Variants in TLK1 observed in about 807,000 individuals in gnomAD.
The protein encoded by TLK1 is tousled like kinase 1, also known as serine/threonine-protein kinase tousled-like 1.
A neutral mutation model predicts 105.3 loss-of-function variants in TLK1; 24 were observed. That is an observed-to-expected ratio of 0.23 (90% CI 0.17 to 0.32). TLK1 has a LOEUF of 0.32. Among genes scored for constraint, TLK1 ranks in the 10% least tolerant of loss-of-function variants. TLK1 has a pLI of 1.00. For missense variants in TLK1, 558 were observed against 910.5 expected (o/e 0.61, Z 4.98); for synonymous variants, 321 against 310.4 (o/e 1.03, Z -0.36).
In TLK1 at chr2:171,103,422, C is replaced by A. The variant is rs552838179; in HGVS notation, c.258+14317G>T. Among the ~76,000 whole-genome samples the A allele has an allele frequency of 3.3e-5, 5 of 152,096 alleles. 1 individual carries two copies. Among genetic ancestry groups the A allele is most frequent in the African/African-American group, 1.2e-4 (5 of 41,458 alleles). On this transcript the variant is annotated intron_variant, in intron 2 of 20. Coordinates refer to ENST00000431350, the MANE Select transcript of TLK1 (RefSeq NM_012290.5). ...ATTCCTGAGTAGATGGGATTACAGG[C>A]ACGTCCCACCATGTCCGGCTAATTT...
chr2:171,211,273 G>A (rs1693607631), intron 1 of TLK1, among the ~76,000 whole-genome samples: 2 of 152,204 alleles, frequency 1.3e-5, no homozygotes, highest in Non-Finnish European at 1.5e-5. Flanking sequence ...ACTTTTACTG[G>A]CTCCCTTTCT....
At chr2:171,084,079 C>T (rs777112526) in intron 2 of TLK1, among the ~76,000 whole-genome samples, 26 of 152,080 alleles carry the variant, frequency 1.7e-4, no homozygotes, top group Non-Finnish European at 3.7e-4. Context: ...CATGAATCCC[C>T]CTCAAAACAT....
intron 1 of TLK1, among the ~76,000 whole-genome samples, chr2:171,209,287 T>G (rs1296593660): frequency 6.6e-6 from 1 of 152,322 alleles, no homozygotes; most frequent in South Asian, 2.1e-4. Flanking sequence ...ATGGAAGTAT[T>G]TATCTTTTTA....
rs138913024 is a variant in TLK1 at position 171,014,876 on chromosome 2, T to G, written c.1309A>C (p.Arg437=). 9 of 1,613,556 alleles carry G rather than the reference T, an allele frequency of 5.6e-6. No homozygotes were observed. Among genetic ancestry groups the G allele is most frequent in the Non-Finnish European group, 7.6e-6 (9 of 1,179,558 alleles). The change falls in exon 13 of 21, where the codon AGA becomes CGA. Residue 437 remains arginine (R), a synonymous_variant. Coordinates refer to ENST00000431350, the MANE Select transcript of TLK1 (RefSeq NM_012290.5). ...VRNLHIRELK[R]INNEDNSQFK... ...TGTGAATTATCTTCATTGTTTATTC[T>G]TTTCAGCTCACGTATGTGAAGATTT...
At chr2:171,142,229 C>G (rs905650463) in intron 1 of TLK1, among the ~76,000 whole-genome samples, 1 of 151,812 alleles carries the variant, frequency 6.6e-6, no homozygotes, top group Non-Finnish European at 1.5e-5. Context: ...CCAAAAGCAG[C>G]AGAAAAGGAG....
intron 3 of TLK1, among the ~76,000 whole-genome samples, chr2:171,062,201 A>G (rs1237212802): frequency 6.6e-6 from 1 of 152,236 alleles, no homozygotes; most frequent in Non-Finnish European, 1.5e-5. Context: ...AATTCTAGAA[A>G]CGTGGTAAGC....
At chr2:171,151,887 C>T (rs549980402) in intron 1 of TLK1, among the ~76,000 whole-genome samples, 31 of 152,044 alleles carry the variant, frequency 2.0e-4, no homozygotes, top group Non-Finnish European at 3.8e-4. Flanking sequence ...TAAAAGAAAT[C>T]GGCAAGGAAA....
intron 1 of TLK1, among the ~76,000 whole-genome samples, chr2:171,128,623 C>T (rs576586768): frequency 3.3e-5 from 5 of 152,208 alleles, no homozygotes; most frequent in East Asian, 3.9e-4. Flanking sequence ...CATATACTTC[C>T]GTGCCTAATT....
intron 1 of TLK1, among the ~76,000 whole-genome samples, chr2:171,148,934 CGTGT>C (rs544756617): frequency 1.5e-3 from 203 of 136,446 alleles, no homozygotes; most frequent in East Asian, 2.5e-3. Context: ...TGTGCGTGTG[CGTGT>C]GTGTGTATGT....
At chr2:171,198,515 G>A (rs2105318682) in intron 1 of TLK1, among the ~76,000 whole-genome samples, 1 of 152,286 alleles carries the variant, frequency 6.6e-6, no homozygotes, top group African/African-American at 2.4e-5. Flanking sequence ...ATGTGACAAA[G>A]TAGAGGATTG....
chr2:171,133,010 C>T (rs970428220), intron 1 of TLK1, among the ~76,000 whole-genome samples: 1 of 152,182 alleles, frequency 6.6e-6, no homozygotes, highest in Non-Finnish European at 1.5e-5. Flanking sequence ...GATTAAACTC[C>T]TCTTACAGAT....
intron 11 of TLK1, among the ~76,000 whole-genome samples, chr2:171,035,292 A>G (rs1170835044): frequency 2.0e-5 from 3 of 151,930 alleles, no homozygotes; most frequent in Non-Finnish European, 4.4e-5. Flanking sequence ...CGGTGAGCCG[A>G]GATCTTGACA....
chr2:171,028,238 C>G, intron 12 of TLK1, 101 bp downstream of exon 12: 2 of 778,840 alleles, frequency 2.6e-6, no homozygotes, highest in East Asian at 5.3e-5. Context: ...TGAAATCTTA[C>G]TCTCTTAAAT....
chr2:171,195,232 G>C (rs551908202), intron 1 of TLK1, among the ~76,000 whole-genome samples: 2 of 151,972 alleles, frequency 1.3e-5, no homozygotes, highest in Non-Finnish European at 2.9e-5. Context: ...GGCCGGGCGC[G>C]GTGGCTCACG....
intron 3 of TLK1, among the ~76,000 whole-genome samples, chr2:171,061,795 T>A (rs892819239): frequency 5.3e-5 from 8 of 152,204 alleles, no homozygotes; most frequent in Admixed American, 3.9e-4. Flanking sequence ...TTTGAAATTT[T>A]AAAAATTCAA....
chr2:171,056,601 T>TA (rs770523205), intron 5 of TLK1, 35 bp from the exon 6 acceptor site: 2 of 1,536,574 alleles, frequency 1.3e-6, no homozygotes, highest in Non-Finnish European at 1.8e-6. Context: ...TATTATTTAC[T>TA]AAAGCAGGCT....
intron 3 of TLK1, among the ~76,000 whole-genome samples, chr2:171,072,928 C>CAA (rs1688328291): frequency 1.6e-5 from 1 of 61,232 alleles, no homozygotes. Context: ...GACTCTGTCT[C>CAA]GAAAAAAAAA....
At chr2:171,228,484 G>A (rs531615690) in intron 1 of TLK1, among the ~76,000 whole-genome samples, 185 of 152,318 alleles carry the variant, frequency 1.2e-3, no homozygotes, top group African/African-American at 2.1e-3. Context: ...CCAGGAGTTC[G>A]AGGCTGCAGT....
At chr2:171,153,633 A>G (rs755918407) in intron 1 of TLK1, among the ~76,000 whole-genome samples, 3 of 152,208 alleles carry the variant, frequency 2.0e-5, no homozygotes, top group Non-Finnish European at 2.9e-5. Context: ...TGCAGATGCT[A>G]TGGAAACAGA....
Sources: gnomAD v4.1 joint callset for allele counts (sites outside exome capture counted in the v4.1 genomes callset) on GRCh38, gnomAD v4.1.1 for gene constraint, MANE v1.5 for transcripts, NCBI Gene and HGNC (gene_info 2026-07-23, HGNC 2026-07-21) for gene names.